The following LONRF2 variants were observed in gnomAD, a reference collection of about 807,000 sequenced individuals.
The protein encoded by LONRF2 is LON peptidase N-terminal domain and RING finger protein 2.
In LONRF2, 35 loss-of-function variants were observed where a neutral mutation model predicts 66.6. The observed-to-expected ratio is 0.53, with a 90% confidence interval of 0.40 to 0.70. The LOEUF (loss-of-function observed/expected upper bound fraction) is 0.70, where lower values mean the gene tolerates loss of function less well. Among genes scored for constraint, LONRF2 ranks in the 30% least tolerant of loss-of-function variants. LONRF2 has a pLI of 0.00. For synonymous variants in LONRF2, 417 were observed against 418.1 expected (o/e 1.00, Z 0.03); for missense variants, 902 against 1,002.1 (o/e 0.90, Z 1.35).
intron 11 of LONRF2, among the ~76,000 whole-genome samples, chr2:100,285,633 T>C (rs1674830318): frequency 6.6e-6 from 1 of 152,154 alleles, no homozygotes; most frequent in Non-Finnish European, 1.5e-5. Context: ...GTCTGGGCTG[T>C]GGTCAGAGGG....
chr2:100,308,003 T>C (rs1285926522), intron 2 of LONRF2, among the ~76,000 whole-genome samples: 2 of 152,132 alleles, frequency 1.3e-5, no homozygotes, highest in Admixed American at 6.5e-5. Flanking sequence ...CCAACAAACA[T>C]CTGCTTCCAT....
chr2:100,319,490 C>T (rs980558944), intron 1 of LONRF2, among the ~76,000 whole-genome samples: 2 of 152,202 alleles, frequency 1.3e-5, no homozygotes, highest in Non-Finnish European at 2.9e-5. Flanking sequence ...CCCTCTCATA[C>T]TTCCTCACAA....
chr2:100,294,677 T>A (rs955406772), intron 8 of LONRF2, among the ~76,000 whole-genome samples: 1 of 152,176 alleles, frequency 6.6e-6, no homozygotes, highest in African/African-American at 2.4e-5. Context: ...AAAATTCTGA[T>A]AAAAGCAAAA....
At chr2:100,286,098 A>C (rs1674839695) in intron 11 of LONRF2, among the ~76,000 whole-genome samples, 1 of 152,182 alleles carries the variant, frequency 6.6e-6, no homozygotes, top group African/African-American at 2.4e-5. Flanking sequence ...CTGGCAGTTA[A>C]AGCATTTTTC....
Position 100,300,799 on chromosome 2 carries a change from C to T in LONRF2, c.922-12G>A. The T allele has an allele frequency of 8.3e-6, 13 of 1,558,704 alleles. No homozygotes were observed. The highest frequency in any genetic ancestry group is 1.2e-5 in the South Asian group (1 of 80,566). On this transcript the variant is annotated splice_polypyrimidine_tract_variant and intron_variant, in intron 3 of 11. Coordinates refer to ENST00000393437, the MANE Select transcript of LONRF2 (RefSeq NM_198461.4). ...ACTTCACACATTACCTATAAAATTG[C>T]CAAGAAAAGAAAAAATATATATTTT...
At chr2:100,305,715 A>G (rs2105729834) in intron 2 of LONRF2, among the ~76,000 whole-genome samples, 1 of 152,292 alleles carries the variant, frequency 6.6e-6, no homozygotes, top group Admixed American at 6.5e-5. Flanking sequence ...AGTCTCAAAT[A>G]CACTTCAGAC....
At chr2:100,315,683 C>G (rs1573127494) in intron 1 of LONRF2, among the ~76,000 whole-genome samples, 1 of 152,186 alleles carries the variant, frequency 6.6e-6, no homozygotes, top group South Asian at 2.1e-4. Flanking sequence ...TTAAACAAAA[C>G]TTAACCTGCT....
rs1247289978 is a variant in LONRF2 at position 100,275,075 on chromosome 2, G to A, written c.*9223C>T. The A allele has an allele frequency of 6.6e-6, 1 of 152,296 alleles. No individual in the cohort carries two copies. Among genetic ancestry groups the A allele is most frequent in the African/African-American group, 2.4e-5 (1 of 41,448 alleles). 9.4% of individuals were successfully genotyped at this position (152,296 alleles called of 1,614,324 possible). On this transcript the variant is annotated 3_prime_UTR_variant, in exon 12 of 12. Transcript: ENST00000393437. ...CCGCTGCTGGCATGTTTGCACTTTG[G>A]CTGCACCACGTATGCTGTGTCTGCC...
In LONRF2 at chr2:100,272,554, TA is replaced by T. The variant is rs569633654; in HGVS notation, c.*11743del. On this transcript the variant is annotated 3_prime_UTR_variant, in exon 12 of 12. Transcript: ENST00000393437. The stretch of plus-strand genomic sequence containing the variant: ...AACAAACTAACCAGAGTATGTAGGT[TA>T]AAAAAAAGAAAAAAAAAGATGGGAA... 1.7e-3 allele frequency among the ~76,000 whole-genome samples: 252 copies of T among 150,254 alleles called. 1 individual carries two copies. The highest frequency in any genetic ancestry group is 5.7e-3 in the African/African-American group (231 of 40,792).
In LONRF2 at chr2:100,272,822, G is replaced by T. The variant is rs1014812399; in HGVS notation, c.*11476C>A. Among the ~76,000 whole-genome samples the T allele has an allele frequency of 3.3e-5, 5 of 152,168 alleles. No individual in the cohort carries two copies. The highest frequency in any genetic ancestry group is 7.3e-5 in the Non-Finnish European group (5 of 68,030). ...AATCTTATCTGCCTTGGATAGAAAT[G>T]ATTTTTAAAAGTAATTATGGTTTTA... On this transcript the variant is annotated 3_prime_UTR_variant, in exon 12 of 12. Coordinates refer to ENST00000393437, the MANE Select transcript of LONRF2 (RefSeq NM_198461.4).
chr2:100,301,006 C>T (rs1251853891), intron 3 of LONRF2, among the ~76,000 whole-genome samples: 3 of 152,148 alleles, frequency 2.0e-5, no homozygotes, highest in East Asian at 1.9e-4. Context: ...TCTTACACTT[C>T]CCAATGACAA....
In LONRF2 at chr2:100,284,198, C is replaced by T. The variant is rs1674796708; in HGVS notation, c.*100G>A. On this transcript the variant is annotated 3_prime_UTR_variant, in exon 12 of 12. Coordinates refer to ENST00000393437, the MANE Select transcript of LONRF2 (RefSeq NM_198461.4). ...AAGCGTCCCATTTTGGAACCTCATCCACAAGCACTTGATGAAGCACAATGA... is the reference window on the plus strand; with the variant it reads ...AAGCGTCCCATTTTGGAACCTCATCTACAAGCACTTGATGAAGCACAATGA... The T allele has an allele frequency of 8.6e-7, 1 of 1,160,652 alleles. No individual in the cohort carries two copies. Among genetic ancestry groups the T allele is most frequent in the South Asian group, 1.8e-5 (1 of 55,138 alleles). 71.9% of individuals were successfully genotyped at this position (1,160,652 alleles called of 1,614,324 possible).
rs1278643653 is a variant in LONRF2 at position 100,299,912 on chromosome 2, A to C, written c.1072T>G (p.Ser358Ala). ...EGDAGSSENS[S>A]EKSDMLGNTN... ...TTTCCAAGCATATCAGATTTCTCAG[A>C]TGAATTCTGGTTAAGTGGGAAAAAA... The change falls in exon 5 of 12, where the codon TCT becomes GCT. Residue 358 changes from serine (S) to alanine (A), a missense_variant. Physicochemically the swap from Ser to Ala is moderately conservative, Grantham distance 99. Coordinates refer to ENST00000393437, the MANE Select transcript of LONRF2 (RefSeq NM_198461.4). The C allele has an allele frequency of 6.3e-7, 1 of 1,593,318 alleles. No homozygotes were observed. The highest frequency in any genetic ancestry group is 8.6e-7 in the Non-Finnish European group (1 of 1,166,016).
chr2:100,309,160 G>C lies in LONRF2; in HGVS notation c.745C>G (p.Gln249Glu), dbSNP rs1047374188. 3.1e-6 allele frequency: 5 copies of C among 1,607,454 alleles called. No homozygotes were observed. The highest frequency in any genetic ancestry group is 4.2e-6 in the Non-Finnish European group (5 of 1,177,872). ...ELYLTMKNYE[Q>E]ALQDASAACQ... Reference sequence around the variant, plus strand: ...GCTGCACTGGCATCTTGGAGAGCTTGCTCATAGTTCTTCATGGTCAAATAT... The same window carrying C: ...GCTGCACTGGCATCTTGGAGAGCTTCCTCATAGTTCTTCATGGTCAAATAT... The change falls in exon 2 of 12, where the codon CAA becomes GAA. Residue 249 changes from glutamine (Q) to glutamate (E), a missense_variant. Gln to Glu is a conservative substitution (Grantham distance 29). Around this residue, in one of 2 missense-constraint regions of LONRF2, gnomAD observed 585 missense variants for 569.9 expected, o/e 1.03. Transcript: ENST00000393437.
chr2:100,305,710 CAA>C (rs1018162352), intron 2 of LONRF2, among the ~76,000 whole-genome samples: 20 of 152,176 alleles, frequency 1.3e-4, no homozygotes, highest in Non-Finnish European at 2.2e-4. Flanking sequence ...CCTGAAGTCT[CAA>C]ATACACTTCA....
chr2:100,277,790 T>G lies in LONRF2; in HGVS notation c.*6508A>C, dbSNP rs1240038358. Reference sequence around the variant, plus strand: ...CCAGCTTCACATTTATGGCCAACTGTTGGACCACTGCCCAAGAGTTGCCCC... The same window carrying G: ...CCAGCTTCACATTTATGGCCAACTGGTGGACCACTGCCCAAGAGTTGCCCC... On this transcript the variant is annotated 3_prime_UTR_variant, in exon 12 of 12. Transcript: ENST00000393437. 1 of 152,212 alleles carries G rather than the reference T, an allele frequency of 6.6e-6. No homozygotes were observed. Among genetic ancestry groups the G allele is most frequent in the African/African-American group, 2.4e-5 (1 of 41,460 alleles). 9.4% of individuals were successfully genotyped at this position (152,212 alleles called of 1,614,324 possible).
At chr2:100,314,105 T>G (rs1312764148) in intron 1 of LONRF2, among the ~76,000 whole-genome samples, 1 of 152,020 alleles carries the variant, frequency 6.6e-6, no homozygotes, top group Non-Finnish European at 1.5e-5. Context: ...AAGCATTCAT[T>G]TTTATCTAGT....
At chr2:100,314,479 G>A (rs1675467624) in intron 1 of LONRF2, among the ~76,000 whole-genome samples, 1 of 152,056 alleles carries the variant, frequency 6.6e-6, no homozygotes, top group South Asian at 2.1e-4. Flanking sequence ...TAGACAGATT[G>A]GCTTTTTCTT....
chr2:100,318,177 T>C (rs1675546810), intron 1 of LONRF2, among the ~76,000 whole-genome samples: 1 of 152,218 alleles, frequency 6.6e-6, no homozygotes, highest in Non-Finnish European at 1.5e-5. Context: ...TTTGGATATT[T>C]TCTGTTAACT....
Sources: allele counts gnomAD v4.1 joint callset (sites outside exome capture counted in the v4.1 genomes callset), GRCh38; gene constraint gnomAD v4.1.1; regional missense constraint gnomAD v4.1.1; transcripts MANE v1.5; gene names NCBI Gene and HGNC (gene_info 2026-07-23, HGNC 2026-07-21).